The following GALNTL6 variants were observed in gnomAD, a reference collection of about 807,000 sequenced individuals.
GALNTL6 encodes polypeptide N-acetylgalactosaminyltransferase like 6, also known as polypeptide N-acetylgalactosaminyltransferase-like 6.
In GALNTL6, 46 loss-of-function variants were observed where a neutral mutation model predicts 73.7. That is an observed-to-expected ratio of 0.62 (90% CI 0.49 to 0.80). The LOEUF (loss-of-function observed/expected upper bound fraction) is 0.80. GALNTL6 is among the 30% of genes least tolerant of loss of function. The pLI, the probability that GALNTL6 is intolerant of heterozygous loss-of-function variation, is 0.00. For synonymous variants in GALNTL6, 259 were observed against 263.7 expected (o/e 0.98, Z 0.17); for missense variants, 604 against 755.0 (o/e 0.80, Z 2.34).
At position 172,526,833 on chromosome 4, in the gene GALNTL6, C is replaced by T. The variant is rs1270703697; in HGVS notation, c.553+178144C>T. The stretch of plus-strand genomic sequence containing the variant: ...TCCTTCCACCCAAGAAAATCTCCCA[C>T]CCCCCCTGCCCTGACCTTATCCATG... On this transcript the variant is annotated intron_variant, in intron 5 of 12. Transcript: ENST00000506823. Among the ~76,000 whole-genome samples, 14 of 150,554 alleles carry T rather than the reference C, an allele frequency of 9.3e-5. No homozygotes were observed. The East Asian group carries it at 2.8e-3, about 30-fold the overall frequency.
chr4:172,801,139 T>C (rs1285442626), intron 5 of GALNTL6, among the ~76,000 whole-genome samples: 1 of 152,198 alleles, frequency 6.6e-6, no homozygotes, highest in East Asian at 1.9e-4. Context: ...TCTAACTGAG[T>C]ATGCATTACC....
chr4:171,889,479 A>G (rs1372416774), intron 2 of GALNTL6, among the ~76,000 whole-genome samples: 1 of 152,070 alleles, frequency 6.6e-6, no homozygotes, highest in Non-Finnish European at 1.5e-5. Context: ...ACTTTCATGA[A>G]GTTAATGACA....
intron 5 of GALNTL6, among the ~76,000 whole-genome samples, chr4:172,795,968 A>G (rs1199328154): frequency 2.6e-5 from 4 of 151,496 alleles, no homozygotes; most frequent in Admixed American, 1.3e-4. Flanking sequence ...AATATATAAT[A>G]CCATGGAAAT....
At chr4:171,867,422 A>G (rs1170468682) in intron 2 of GALNTL6, among the ~76,000 whole-genome samples, 1 of 152,224 alleles carries the variant, frequency 6.6e-6, no homozygotes, top group Non-Finnish European at 1.5e-5. Context: ...AATGTCAGTC[A>G]AAAACCTGGG....
intron 5 of GALNTL6, among the ~76,000 whole-genome samples, chr4:172,386,615 C>A (rs369512096): frequency 5.9e-5 from 9 of 152,242 alleles, no homozygotes; most frequent in African/African-American, 1.9e-4. Context: ...AAGTAAGCAT[C>A]ATGGCTCAGC....
intron 5 of GALNTL6, among the ~76,000 whole-genome samples, chr4:172,773,630 G>A (rs987068177): frequency 6.8e-6 from 1 of 147,330 alleles, no homozygotes; most frequent in African/African-American, 2.5e-5. Context: ...CATTTTTTGT[G>A]CTGTTAATAA....
chr4:172,128,712 T>C (rs1471801476), intron 2 of GALNTL6, among the ~76,000 whole-genome samples: 2 of 152,238 alleles, frequency 1.3e-5, no homozygotes, highest in African/African-American at 4.8e-5. Flanking sequence ...TCTTTTGTTA[T>C]AAGAAAAACA....
In GALNTL6 at chr4:172,976,013, A is replaced by T. The variant is rs181329864; in HGVS notation, c.1371+23755A>T. On this transcript the variant is annotated intron_variant, in intron 10 of 12. Transcript: ENST00000506823. The stretch of plus-strand genomic sequence containing the variant: ...AGGGAGGTCGGAGCTCCGCCCGCTT[A>T]ACTCGGAAGGGGGCGGAGCTCCAAC... 2.4e-3 allele frequency among the ~76,000 whole-genome samples: 365 copies of T among 152,162 alleles called. 1 individual carries two copies. Among genetic ancestry groups the T allele is most frequent in the Non-Finnish European group, 3.3e-3 (226 of 67,982 alleles).
intron 7 of GALNTL6, among the ~76,000 whole-genome samples, chr4:172,822,452 T>C (rs1022122588): frequency 6.6e-6 from 1 of 152,212 alleles, no homozygotes; most frequent in Non-Finnish European, 1.5e-5. Context: ...CTCAGGACCA[T>C]GGTCTCTCTG....
chr4:172,867,183 A>C (rs1744704845), intron 7 of GALNTL6, among the ~76,000 whole-genome samples: 1 of 152,198 alleles, frequency 6.6e-6, no homozygotes. Context: ...GCTATTAATC[A>C]TTACCCTGGG....
At chr4:172,015,875 T>C (rs1477996962) in intron 2 of GALNTL6, among the ~76,000 whole-genome samples, 2 of 150,476 alleles carry the variant, frequency 1.3e-5, no homozygotes, top group African/African-American at 2.4e-5. Flanking sequence ...CCCAATCCCT[T>C]CTGGCTTATA....
intron 5 of GALNTL6, among the ~76,000 whole-genome samples, chr4:172,466,716 T>G (rs1057093098): frequency 3.3e-5 from 5 of 152,238 alleles, no homozygotes; most frequent in African/African-American, 1.2e-4. Context: ...CATGAACTGC[T>G]GTCAAATGTT....
chr4:171,981,038 CA>C lies in GALNTL6; in HGVS notation c.138+166322del, dbSNP rs562322839. Among the ~76,000 whole-genome samples the C allele has an allele frequency of 1.8e-4, 27 of 152,286 alleles. No homozygotes were observed. The South Asian group carries it at 5.4e-3, about 30-fold the overall frequency. Reference sequence around the variant, plus strand: ...AGCTGAAAATATCTGAGACAGATCTCAATCAATTTGGAGAGTTTATTTTGCC... The same window carrying C: ...AGCTGAAAATATCTGAGACAGATCTCATCAATTTGGAGAGTTTATTTTGCC... On this transcript the variant is annotated intron_variant, in intron 2 of 12. Coordinates refer to ENST00000506823, the MANE Select transcript of GALNTL6 (RefSeq NM_001034845.3).
intron 2 of GALNTL6, among the ~76,000 whole-genome samples, chr4:171,887,579 A>G (rs140956294): frequency 1.7e-3 from 257 of 152,322 alleles, no homozygotes; most frequent in Non-Finnish European, 2.9e-3. Flanking sequence ...GATAATTATA[A>G]AAGAAGGGAC....
chr4:172,191,437 T>A (rs1735582034), intron 2 of GALNTL6, among the ~76,000 whole-genome samples: 1 of 152,192 alleles, frequency 6.6e-6, no homozygotes, highest in African/African-American at 2.4e-5. Context: ...AACAAGGTGG[T>A]CATTAGCTCT....
At chr4:172,831,434 A>G (rs1451379793) in intron 7 of GALNTL6, among the ~76,000 whole-genome samples, 1 of 152,166 alleles carries the variant, frequency 6.6e-6, no homozygotes, top group Non-Finnish European at 1.5e-5. Flanking sequence ...CAAAGGGACT[A>G]GGTCAGAAAA....
chr4:172,302,996 A>G (rs1248441188), intron 3 of GALNTL6, among the ~76,000 whole-genome samples: 2 of 151,464 alleles, frequency 1.3e-5, no homozygotes, highest in East Asian at 1.9e-4. Flanking sequence ...TTAAATTTTT[A>G]TTTATTTATT....
chr4:172,608,847 C>A (rs762469307), intron 5 of GALNTL6, among the ~76,000 whole-genome samples: 34 of 152,054 alleles, frequency 2.2e-4, no homozygotes, highest in Non-Finnish European at 4.3e-4. Context: ...TTTCAACTCC[C>A]TGCTTAGATG....
chr4:172,628,702 G>A (rs1739265803), intron 5 of GALNTL6, among the ~76,000 whole-genome samples: 1 of 152,026 alleles, frequency 6.6e-6, no homozygotes, highest in African/African-American at 2.4e-5. Context: ...TTATTCAAGG[G>A]CTCACAATTG....
Sources: gnomAD v4.1 joint callset for allele counts (sites outside exome capture counted in the v4.1 genomes callset) on GRCh38, gnomAD v4.1.1 for gene constraint, MANE v1.5 for transcripts, NCBI Gene and HGNC (gene_info 2026-07-23, HGNC 2026-07-21) for gene names.